FER1L6: variants seen among roughly 807,000 people sequenced by gnomAD.
FER1L6 encodes fer-1 like family member 6.
FER1L6 carries 177 observed loss-of-function variants against 219.2 expected under a neutral mutation model. The ratio of observed to expected loss-of-function variants is 0.81; its 90% CI spans 0.71 to 0.91. The LOEUF (loss-of-function observed/expected upper bound fraction) is 0.91. Among genes scored for constraint, FER1L6 ranks in the 40% least tolerant of loss-of-function variants. The pLI is 0.00. For synonymous variants in FER1L6, 768 were observed against 824.3 expected (o/e 0.93, Z 1.17); for missense variants, 2,153 against 2,259.9 (o/e 0.95, Z 0.96).
chr8:124,101,150 C>CCCTG lies in FER1L6; in HGVS notation c.4938_4941dup (p.Thr1648ProfsTer21), dbSNP rs1427590967. The CCCTG allele has an allele frequency of 6.2e-7, 1 of 1,613,798 alleles. No individual in the cohort carries two copies. Among genetic ancestry groups the CCCTG allele is most frequent in the East Asian group, 2.2e-5 (1 of 44,820 alleles). ...CAGGAGACAGATGTGCATTACAACT[C>CCCTG]CCTGACTGGAGAGGGCAACTTCAAC... On this transcript the variant is annotated frameshift_variant, in exon 38 of 41. Transcript: ENST00000522917. LOFTEE classifies it high-confidence loss of function.
chr8:124,046,930 C>T (rs929575881), intron 21 of FER1L6, among the ~76,000 whole-genome samples: 1 of 152,174 alleles, frequency 6.6e-6, no homozygotes, highest in Non-Finnish European at 1.5e-5. Context: ...CCCTCCAAGC[C>T]ACTCCCTCCC....
intron 1 of FER1L6, among the ~76,000 whole-genome samples, chr8:123,865,680 G>C (rs1193847315): frequency 6.6e-6 from 1 of 151,228 alleles, no homozygotes. Context: ...ATATAGTCTC[G>C]TGGTGAGCCG....
In FER1L6 at chr8:124,099,173, C is replaced by G. The variant is rs112905422; in HGVS notation, c.4883+1290C>G. Reference sequence around the variant, plus strand: ...AACTTCTCATCTCCCACTATTTTGTCTCTCTGCCATTTTCAACTAACACTT... The same window carrying G: ...AACTTCTCATCTCCCACTATTTTGTGTCTCTGCCATTTTCAACTAACACTT... On this transcript the variant is annotated intron_variant, in intron 37 of 40. Transcript: ENST00000522917. Among the ~76,000 whole-genome samples the G allele has an allele frequency of 5.8e-3, 883 of 152,266 alleles. 16 individuals are homozygous for G. Among genetic ancestry groups the G allele is most frequent in the African/African-American group, 0.02 (836 of 41,548 alleles).
chr8:124,079,704 A>G (rs1044091761), intron 32 of FER1L6, among the ~76,000 whole-genome samples: 1 of 152,226 alleles, frequency 6.6e-6, no homozygotes, highest in Admixed American at 6.5e-5. Context: ...AATACAAAAA[A>G]AGAAAAATCA....
At chr8:123,927,697 C>T (rs917220868) in intron 1 of FER1L6, among the ~76,000 whole-genome samples, 1 of 152,162 alleles carries the variant, frequency 6.6e-6, no homozygotes, top group African/African-American at 2.4e-5. Context: ...TATTATCTTA[C>T]TTTATTGACG....
chr8:123,946,703 A>G (rs1045558375), intron 1 of FER1L6, among the ~76,000 whole-genome samples: 3 of 152,280 alleles, frequency 2.0e-5, no homozygotes, highest in South Asian at 2.1e-4. Context: ...ACCTGGTTAC[A>G]TACTCAATCT....
chr8:124,008,800 A>G (rs1249804336), intron 13 of FER1L6, among the ~76,000 whole-genome samples: 1 of 152,218 alleles, frequency 6.6e-6, no homozygotes, highest in Non-Finnish European at 1.5e-5. Context: ...CTCATCAAAA[A>G]GTGGGCTAAG....
At chr8:123,943,441 G>A (rs910256484) in intron 1 of FER1L6, among the ~76,000 whole-genome samples, 1 of 152,106 alleles carries the variant, frequency 6.6e-6, no homozygotes, top group African/African-American at 2.4e-5. Context: ...CAGCCAACCC[G>A]AACAGAGGGC....
intron 20 of FER1L6, chr8:124,040,540 A>G: frequency 6.0e-6 from 1 of 165,658 alleles, no homozygotes; most frequent in Non-Finnish European, 1.3e-5. Flanking sequence ...ATTAAGGGAG[A>G]TGGGTTGTCT....
rs1454392647 is a variant in FER1L6 at position 123,853,545 on chromosome 8, G to GA, written c.-8+1365dup. ...ATGATGATTTGGACCCAAGGCTGTT[G>GA]AAAAATTGTTACTTTTTTCCTGGGG... On this transcript the variant is annotated intron_variant, in intron 1 of 40. Transcript: ENST00000522917. The surrounding 1 kb of genome is among the most constrained non-coding windows in gnomAD (Gnocchi z 6.6). Among the ~76,000 whole-genome samples the GA allele has an allele frequency of 2.0e-5, 3 of 152,326 alleles. No individual in the cohort carries two copies. Among genetic ancestry groups the GA allele is most frequent in the African/African-American group, 7.2e-5 (3 of 41,584 alleles).
At chr8:123,956,174 G>C (rs1815010283) in intron 2 of FER1L6, 100 bp downstream of exon 2, 1 of 1,094,760 alleles carries the variant, frequency 9.1e-7, no homozygotes, top group Non-Finnish European at 1.4e-6. Context: ...GGGAGCGAGG[G>C]GGAGTGTGAA....
At chr8:124,070,361 C>G in intron 29 of FER1L6, 106 bp from the exon 30 acceptor site, 1 of 1,265,636 alleles carries the variant, frequency 7.9e-7, no homozygotes, top group Non-Finnish European at 1.1e-6. Flanking sequence ...CAGATTTTCC[C>G]AAGGGGCATA....
intron 21 of FER1L6, among the ~76,000 whole-genome samples, chr8:124,049,019 C>T (rs533012021): frequency 1.3e-5 from 2 of 151,998 alleles, no homozygotes; most frequent in South Asian, 2.1e-4. Context: ...GCCAGAAAGC[C>T]CCTAGGATGA....
At chr8:123,904,019 A>G (rs1812905691) in intron 1 of FER1L6, among the ~76,000 whole-genome samples, 1 of 152,196 alleles carries the variant, frequency 6.6e-6, no homozygotes. Context: ...GTGATAACAC[A>G]GAAGACTTTA....
intron 1 of FER1L6, among the ~76,000 whole-genome samples, chr8:123,910,424 C>T (rs537074884): frequency 2.6e-5 from 4 of 152,272 alleles, no homozygotes; most frequent in East Asian, 3.9e-4. Context: ...GGACCTTTTT[C>T]GTTCAGCATT....
chr8:124,091,696 G>A (rs559036318), intron 34 of FER1L6, 113 bp downstream of exon 34: 2 of 1,133,156 alleles, frequency 1.8e-6, no homozygotes, highest in Middle Eastern at 2.5e-4. Context: ...GCCAGGCACA[G>A]TGGCTCACGT....
chr8:123,900,529 T>C (rs1812837796), intron 1 of FER1L6, among the ~76,000 whole-genome samples: 1 of 152,126 alleles, frequency 6.6e-6, no homozygotes, highest in Admixed American at 6.6e-5. Context: ...AGAGGAGTGG[T>C]GAGAGTGGGC....
intron 13 of FER1L6, among the ~76,000 whole-genome samples, chr8:124,009,648 C>A: frequency 6.6e-6 from 1 of 151,958 alleles, no homozygotes. Context: ...GGAGCTGGAG[C>A]CTGGGGGTGG....
intron 22 of FER1L6, among the ~76,000 whole-genome samples, chr8:124,058,445 A>C (rs1820407695): frequency 6.6e-6 from 1 of 152,242 alleles, no homozygotes; most frequent in Non-Finnish European, 1.5e-5. Context: ...GAGTAACTGC[A>C]TAGCATATGG....
Sources: allele counts gnomAD v4.1 joint callset (sites outside exome capture counted in the v4.1 genomes callset), GRCh38; gene constraint gnomAD v4.1.1; non-coding constraint Gnocchi (gnomAD v3.1); transcripts MANE v1.5; gene names NCBI Gene and HGNC (gene_info 2026-07-23, HGNC 2026-07-21).